Variants in FGFR1 observed in about 807,000 individuals in gnomAD.
FGFR1 encodes fibroblast growth factor receptor 1.
FGFR1 carries 18 observed loss-of-function variants against 93.7 expected under a neutral mutation model. That is an observed-to-expected ratio of 0.19 (90% confidence interval 0.13 to 0.28). The LOEUF (loss-of-function observed/expected upper bound fraction) is 0.28, where lower values mean the gene tolerates loss of function less well. Ranked by LOEUF, FGFR1 falls within the 10% of genes least tolerant of loss-of-function variation. FGFR1 has a pLI of 1.00. For missense variants in FGFR1, 731 were observed against 1,080.4 expected, an observed-to-expected ratio of 0.68 and a Z score of 4.53; for synonymous variants, 448 against 429.3, an observed-to-expected ratio of 1.04 and a Z score of -0.54.
intron 3 of FGFR1, 174 bp from the exon 4 acceptor site, chr8:38,428,609 G>A (rs564905343): frequency 9.5e-6 from 6 of 634,540 alleles, no homozygotes; most frequent in African/African-American, 7.3e-5. Flanking sequence ...GTTCCTGTGC[G>A]TGTTTGCTTC....
At chr8:38,436,282 G>A (rs543963182) in intron 2 of FGFR1, among the ~76,000 whole-genome samples, 9 of 152,136 alleles carry the variant, frequency 5.9e-5, no homozygotes, top group South Asian at 4.1e-4. Flanking sequence ...AGGCAGAGGA[G>A]GGAGGATCCC....
intron 7 of FGFR1, chr8:38,423,341 A>G: frequency 7.5e-6 from 4 of 531,308 alleles, no homozygotes; most frequent in South Asian, 6.2e-5. Context: ...TTTTTAACGC[A>G]GAGTCTCACT....
At chr8:38,418,148 G>A (rs1316215306) in intron 10 of FGFR1, 80 bp downstream of exon 10, 10 of 1,608,952 alleles carry the variant, frequency 6.2e-6, no homozygotes, top group Non-Finnish European at 6.8e-6. Flanking sequence ...CGCCCAGAAG[G>A]TGTTAGTATA....
At position 38,426,766 on chromosome 8, in the gene FGFR1, G is replaced by A. The variant is rs1384195754; in HGVS notation, c.622-521C>T. 6.6e-6 allele frequency among the ~76,000 whole-genome samples: 1 copy of A among 152,172 alleles called. No individual in the cohort carries two copies. Among genetic ancestry groups the A allele is most frequent in the Non-Finnish European group, 1.5e-5 (1 of 68,028 alleles). On this transcript the variant is annotated intron_variant, in intron 5 of 17. Coordinates refer to ENST00000447712, the MANE Select transcript of FGFR1 (RefSeq NM_023110.3). The surrounding 1 kb of genome is among the most constrained non-coding windows in gnomAD (Gnocchi z 4.1). ...TTTTTATGGGCAGGAACGCTATCTT[G>A]CAGCATTTAAAGCATGGTGTCTTGC...
intron 12 of FGFR1, among the ~76,000 whole-genome samples, chr8:38,416,475 G>A (rs1290426206): frequency 7.2e-5 from 1 of 13,830 alleles, no homozygotes; most frequent in Non-Finnish European, 1.7e-4. Flanking sequence ...TTTTTTTTTT[G>A]AGATGGAGTT....
chr8:38,424,230 C>G lies in FGFR1; in HGVS notation c.936+279G>C. 1.7e-6 allele frequency: 1 copy of G among 587,972 alleles called. No individual in the cohort carries two copies. Among genetic ancestry groups the G allele is most frequent in the Non-Finnish European group, 3.2e-6 (1 of 310,314 alleles). 36.4% of individuals were successfully genotyped at this position (587,972 alleles called of 1,614,324 possible). On this transcript the variant is annotated intron_variant, in intron 7 of 17. Coordinates refer to ENST00000447712, the MANE Select transcript of FGFR1 (RefSeq NM_023110.3). This position sits in a 1 kb window ranked among gnomAD's most constrained non-coding sequence, Gnocchi z 4.3. ...GGGTCCAAATGCCTTCCTTGTGTAGCTGACCCCAAAGCCCCAGTGACGTTG... is the reference window on the plus strand; with the variant it reads ...GGGTCCAAATGCCTTCCTTGTGTAGGTGACCCCAAAGCCCCAGTGACGTTG...
At chr8:38,418,506 G>A (rs979065484) in intron 9 of FGFR1, 133 bp from the exon 10 acceptor site, 80 of 1,134,842 alleles carry the variant, frequency 7.0e-5, no homozygotes, top group Non-Finnish European at 1.0e-4. Flanking sequence ...TCAACACAGA[G>A]TGGTCCAAAG....
intron 2 of FGFR1, among the ~76,000 whole-genome samples, chr8:38,452,363 C>CT (rs1220259828): frequency 5.3e-5 from 8 of 151,872 alleles, no homozygotes; most frequent in South Asian, 4.2e-4. Flanking sequence ...TGTGTTTCTT[C>CT]TTTTTTTTAA....
At position 38,414,168 on chromosome 8, in the gene FGFR1, T is replaced by A. The variant is rs1190864622; in HGVS notation, c.2170A>T (p.Asn724Tyr). The change falls in exon 16 of 18, where the codon AAC becomes TAC. Residue 724 changes from asparagine (N) to tyrosine (Y), a missense_variant. Coordinates refer to ENST00000447712, the MANE Select transcript of FGFR1 (RefSeq NM_023110.3). ...KEGHRMDKPS[N>Y]CTNELYMMMR... ...CGGGCTTACAGCTCGTTGGTGCAGT[T>A]ACTGGGCTTGTCCATGCGGTGACCC... 1 of 1,614,202 alleles carries A rather than the reference T, an allele frequency of 6.2e-7. No homozygotes were observed.
chr8:38,419,111 C>A (rs1369768220), intron 9 of FGFR1, among the ~76,000 whole-genome samples: 1 of 152,200 alleles, frequency 6.6e-6, no homozygotes, highest in Non-Finnish European at 1.5e-5. Flanking sequence ...ACTGTGAGTC[C>A]ATTAAACCTC....
intron 2 of FGFR1, among the ~76,000 whole-genome samples, chr8:38,454,970 TTGC>T (rs1308444975): frequency 1.4e-5 from 2 of 147,024 alleles, no homozygotes; most frequent in Non-Finnish European, 1.5e-5. Context: ...TTTTCTTTTC[TTGC>T]TTTTTTTTTT....
chr8:38,425,546 T>C (rs551348083), intron 6 of FGFR1, among the ~76,000 whole-genome samples: 98 of 152,262 alleles, frequency 6.4e-4, no homozygotes, highest in African/African-American at 2.3e-3. Flanking sequence ...CTGTACCCAA[T>C]GATCTCTAGG....
intron 2 of FGFR1, among the ~76,000 whole-genome samples, chr8:38,441,152 C>T (rs1183339563): frequency 6.6e-6 from 1 of 151,782 alleles, no homozygotes; most frequent in Admixed American, 6.6e-5. Context: ...AGCTATTGGC[C>T]TGGAGAGTTG....
chr8:38,412,665 G>A lies in FGFR1; in HGVS notation c.*963C>T, dbSNP rs567128409. Reference sequence around the variant, plus strand: ...TGCCCTCGGGACAGACCTAGCCCCAGGGCCCGTGGGTGTCCCTTCTTTCCA... The same window carrying A: ...TGCCCTCGGGACAGACCTAGCCCCAAGGCCCGTGGGTGTCCCTTCTTTCCA... On this transcript the variant is annotated 3_prime_UTR_variant, in exon 18 of 18. Transcript: ENST00000447712. The A allele has an allele frequency of 1.3e-4, 30 of 233,738 alleles. No homozygotes were observed. Among genetic ancestry groups the A allele is most frequent in the African/African-American group, 5.1e-4 (23 of 45,476 alleles). The allele number at this position is 233,738 out of a possible 1,614,324, so 14.5% of individuals were successfully genotyped here.
chr8:38,449,106 GAAAAAAAAAACACA>G (rs1830283425), intron 2 of FGFR1, among the ~76,000 whole-genome samples: 1 of 145,070 alleles, frequency 6.9e-6, no homozygotes, highest in Non-Finnish European at 1.5e-5. Context: ...GGTCTCAGGA[GAAAAAAAAAACACA>G]GAAAAAAGAA....
At position 38,413,843 on chromosome 8, in the gene FGFR1, C is replaced by T. The variant is rs2150514309; in HGVS notation, c.2293-39G>A. 3 of 1,613,722 alleles carry T rather than the reference C, an allele frequency of 1.9e-6. No homozygotes were observed. Among genetic ancestry groups the T allele is most frequent in the Non-Finnish European group, 2.5e-6 (3 of 1,179,774 alleles). On this transcript the variant is annotated intron_variant, in intron 17 of 17. Transcript: ENST00000447712. The surrounding 1 kb of genome is among the most constrained non-coding windows in gnomAD (Gnocchi z 4.2). ...GAGGAAGCAGCGATGGGCCGGGCCC[C>T]TCCTCCCTGCTCAGGGAGGTGCGTG... is the stretch of plus-strand genomic sequence containing the variant.
In FGFR1 at chr8:38,461,415, ACCT is replaced by A. The variant is rs533465604; in HGVS notation, c.-88-3884_-88-3882del. 1.9e-4 allele frequency among the ~76,000 whole-genome samples: 29 copies of A among 151,870 alleles called. No homozygotes were observed. In the South Asian group the frequency reaches 5.4e-3, roughly 28 times the overall value. Reference sequence around the variant, plus strand: ...AGTGGCACGATCTCAACTCACTACAACCTCCATCCCCCAGACTCAAGTGATCCT... The same window carrying A: ...AGTGGCACGATCTCAACTCACTACAACCATCCCCCAGACTCAAGTGATCCT... On this transcript the variant is annotated intron_variant, in intron 1 of 17. Coordinates refer to ENST00000447712, the MANE Select transcript of FGFR1 (RefSeq NM_023110.3).
At chr8:38,454,827 A>T (rs1832266877) in intron 2 of FGFR1, among the ~76,000 whole-genome samples, 1 of 152,130 alleles carries the variant, frequency 6.6e-6, no homozygotes. Context: ...AGCAGGATGC[A>T]AACACAGGTG....
At chr8:38,443,190 CT>C (rs529357705) in intron 2 of FGFR1, among the ~76,000 whole-genome samples, 45 of 152,160 alleles carry the variant, frequency 3.0e-4, no homozygotes, top group African/African-American at 1.1e-3. Flanking sequence ...AAATTTTATG[CT>C]ACAAAACTGT....
Sources: allele counts gnomAD v4.1 joint callset (sites outside exome capture counted in the v4.1 genomes callset), GRCh38; gene constraint gnomAD v4.1.1; non-coding constraint Gnocchi (gnomAD v3.1); transcripts MANE v1.5; gene names NCBI Gene and HGNC (gene_info 2026-07-23, HGNC 2026-07-21).